DNAJB12: variants seen among roughly 807,000 people sequenced by gnomAD.
The protein encoded by DNAJB12 is DnaJ heat shock protein family (Hsp40) member B12, also known as dnaJ homolog subfamily B member 12.
In DNAJB12, 14 loss-of-function variants were observed where a neutral mutation model predicts 40.6. The ratio of observed to expected loss-of-function variants is 0.34; its 90% CI spans 0.23 to 0.54. DNAJB12 has a LOEUF of 0.54. Among genes scored for constraint, DNAJB12 ranks in the 20% least tolerant of loss-of-function variants. DNAJB12 has a pLI of 0.92. For missense variants in DNAJB12, 444 were observed against 501.7 expected (o/e 0.89, Z 1.10); for synonymous variants, 181 against 199.5 (o/e 0.91, Z 0.78).
intron 1 of DNAJB12, among the ~76,000 whole-genome samples, chr10:72,347,460 G>C (rs1293525536): frequency 2.0e-5 from 3 of 152,226 alleles, no homozygotes; most frequent in Admixed American, 6.5e-5. Context: ...GCCCAAGGGG[G>C]ACACAGATGG....
At chr10:72,334,774 G>A in intron 8 of DNAJB12, 157 bp from the exon 9 acceptor site, 1 of 1,396,826 alleles carries the variant, frequency 7.2e-7, no homozygotes, top group Middle Eastern at 1.9e-4. Context: ...TCCTGCGGCA[G>A]CACAGAGGCA....
At chr10:72,349,738 C>A (rs1861888409) in intron 1 of DNAJB12, among the ~76,000 whole-genome samples, 1 of 152,236 alleles carries the variant, frequency 6.6e-6, no homozygotes, top group East Asian at 1.9e-4. Flanking sequence ...CTTTTCAGGG[C>A]AGTTACAGGG....
rs1027042869 is a variant in DNAJB12, at chr10:72,333,599, G to A, written c.*1049C>T. Reference sequence around the variant, plus strand: ...GGTGCATGACTTAGGAAAAACCAGTGGCAATGATGGAGCTGTGCCCTGTGG... The same window carrying A: ...GGTGCATGACTTAGGAAAAACCAGTAGCAATGATGGAGCTGTGCCCTGTGG... On this transcript the variant is annotated 3_prime_UTR_variant, in exon 9 of 9. Coordinates refer to ENST00000444643, the MANE Select transcript of DNAJB12 (RefSeq NM_017626.7). 1 of 152,696 alleles carries A rather than the reference G, an allele frequency of 6.5e-6. No homozygotes were observed. The highest frequency in any genetic ancestry group is 2.4e-5 in the African/African-American group (1 of 41,448). 9.5% of individuals were successfully genotyped at this position (152,696 alleles called of 1,614,324 possible). A position where few individuals can be genotyped will look rare whatever the true frequency, so the allele number is the denominator to read the frequency against.
At chr10:72,342,912 G>A (rs1046405786) in intron 3 of DNAJB12, among the ~76,000 whole-genome samples, 4 of 152,336 alleles carry the variant, frequency 2.6e-5, no homozygotes, top group East Asian at 1.9e-4. Flanking sequence ...TAGGTATGGC[G>A]GGGGAGCTGG....
intron 5 of DNAJB12, among the ~76,000 whole-genome samples, chr10:72,340,580 A>C (rs1861605559): frequency 1.3e-5 from 2 of 152,154 alleles, no homozygotes; most frequent in African/African-American, 2.4e-5. Context: ...TCCCGCCGGC[A>C]ATGTGGAGCA....
At chr10:72,350,245 A>G (rs1861899130) in intron 1 of DNAJB12, among the ~76,000 whole-genome samples, 1 of 151,912 alleles carries the variant, frequency 6.6e-6, no homozygotes, top group South Asian at 2.1e-4. Flanking sequence ...ACGAAAATAA[A>G]AAAATTAGCC....
At chr10:72,336,731 G>T in intron 6 of DNAJB12, 35 bp from the exon 7 acceptor site, 1 of 1,601,420 alleles carries the variant, frequency 6.2e-7, no homozygotes, top group African/African-American at 1.3e-5. Context: ...GTGGGTGCGG[G>T]TCCCCATGCC....
intron 1 of DNAJB12, among the ~76,000 whole-genome samples, chr10:72,348,846 C>T (rs565059264): frequency 6.6e-6 from 1 of 152,318 alleles, no homozygotes; most frequent in Admixed American, 6.5e-5. Flanking sequence ...TCTGCATTAG[C>T]TCATTTAATT....
chr10:72,338,113 T>TG, intron 6 of DNAJB12, 89 bp downstream of exon 6: 1 of 1,101,024 alleles, frequency 9.1e-7, no homozygotes, highest in South Asian at 1.3e-5. Context: ...GCACACTGGC[T>TG]GGATCAGGAT....
intron 1 of DNAJB12, among the ~76,000 whole-genome samples, chr10:72,347,609 A>G (rs1805821073): frequency 1.3e-5 from 2 of 152,250 alleles, no homozygotes; most frequent in Non-Finnish European, 2.9e-5. Context: ...CCTCGGCAGC[A>G]TCATGGCTAT....
At chr10:72,339,492 C>A (rs1222121138) in intron 5 of DNAJB12, among the ~76,000 whole-genome samples, 2 of 151,532 alleles carry the variant, frequency 1.3e-5, no homozygotes, top group African/African-American at 4.9e-5. Context: ...CAAGATTGTG[C>A]CACTGCACTC....
intron 3 of DNAJB12, among the ~76,000 whole-genome samples, chr10:72,342,746 GCA>G (rs1188116443): frequency 6.6e-6 from 1 of 152,212 alleles, no homozygotes; most frequent in African/African-American, 2.4e-5. Context: ...AAATTGCAGT[GCA>G]CAGAGTCAGT....
Position 72,335,709 on chromosome 10 carries a change from C to G in DNAJB12, c.*30+71G>C, listed in dbSNP as rs1861452885. ...CACCAGGCTTCCTCCCTTTCTCCCC[C>G]TCCCTCCTCTGCTCATGACCAGGGC... On this transcript the variant is annotated intron_variant, in intron 8 of 8. Transcript: ENST00000444643. This position sits in a 1 kb window ranked among gnomAD's most constrained non-coding sequence, Gnocchi z 4.4. 6.5e-7 allele frequency: 1 copy of G among 1,544,850 alleles called. No individual in the cohort carries two copies.
At chr10:72,334,816 T>G (rs1293316667) in intron 8 of DNAJB12, 199 bp from the exon 9 acceptor site, 1 of 1,376,180 alleles carries the variant, frequency 7.3e-7, no homozygotes, top group African/African-American at 1.5e-5. Context: ...GAGTCAGCCA[T>G]GGATCCAGGC....
At chr10:72,337,389 GGA>G (rs1334194832) in intron 6 of DNAJB12, among the ~76,000 whole-genome samples, 2 of 152,186 alleles carry the variant, frequency 1.3e-5, no homozygotes, top group African/African-American at 4.8e-5. Context: ...CCACCTTTTG[GGA>G]GAGGGGGACC....
At chr10:72,344,372 G>A (rs1312824163) in intron 2 of DNAJB12, among the ~76,000 whole-genome samples, 1 of 152,246 alleles carries the variant, frequency 6.6e-6, no homozygotes, top group Non-Finnish European at 1.5e-5. Context: ...GACCCTGGGG[G>A]ATTCCCAAGG....
chr10:72,350,497 C>T (rs963339413), intron 1 of DNAJB12, among the ~76,000 whole-genome samples: 6 of 151,122 alleles, frequency 4.0e-5, no homozygotes, highest in Non-Finnish European at 8.8e-5. Context: ...GGTAACTTAG[C>T]TCATCTGTGC....
At chr10:72,334,750 C>T in intron 8 of DNAJB12, 133 bp from the exon 9 acceptor site, 1 of 1,402,596 alleles carries the variant, frequency 7.1e-7, no homozygotes, top group East Asian at 2.9e-5. Flanking sequence ...ACCAACCCCA[C>T]TTGCGGCCTG....
intron 2 of DNAJB12, among the ~76,000 whole-genome samples, chr10:72,344,609 G>A (rs1400350522): frequency 6.6e-6 from 1 of 152,216 alleles, no homozygotes; most frequent in Non-Finnish European, 1.5e-5. Context: ...TCTGGAGGGG[G>A]AGACAAAGCT....
Sources: allele counts gnomAD v4.1 joint callset (sites outside exome capture counted in the v4.1 genomes callset), GRCh38; gene constraint gnomAD v4.1.1; non-coding constraint Gnocchi (gnomAD v3.1); transcripts MANE v1.5; gene names NCBI Gene and HGNC (gene_info 2026-07-23, HGNC 2026-07-21).